The following PRMT3 variants were observed in gnomAD, a reference collection of about 807,000 sequenced individuals.
The protein encoded by PRMT3 is protein arginine N-methyltransferase 3.
A neutral mutation model predicts 71.9 loss-of-function variants in PRMT3; 62 were observed. The observed-to-expected ratio is 0.86, with a 90% CI of 0.70 to 1.07. The LOEUF is 1.07. Among genes scored for constraint, PRMT3 ranks in the 50% least tolerant of loss-of-function variants. The pLI is 0.00. For missense variants in PRMT3, 663 were observed against 643.0 expected (o/e 1.03, Z -0.34); for synonymous variants, 213 against 220.4 (o/e 0.97, Z 0.30).
Position 20,508,673 on chromosome 11 carries a change from A to G in PRMT3, c.*260A>G, listed in dbSNP as rs1851657452. 2 of 573,812 alleles carry G rather than the reference A, an allele frequency of 3.5e-6. No individual in the cohort carries two copies. The highest frequency in any genetic ancestry group is 1.8e-5 in the African/African-American group (1 of 54,368). 35.5% of individuals were successfully genotyped at this position (573,812 alleles called of 1,614,324 possible). A position where few individuals can be genotyped will look rare whatever the true frequency, so the allele number is the denominator to read the frequency against. On this transcript the variant is annotated 3_prime_UTR_variant, in exon 16 of 16. Coordinates refer to ENST00000331079, the MANE Select transcript of PRMT3 (RefSeq NM_005788.4). Reference sequence around the variant, plus strand: ...AGATTTAACCAAATGTAACTCCCACATTGAGTTTATCTATATTGAAAATCA... The same window carrying G: ...AGATTTAACCAAATGTAACTCCCACGTTGAGTTTATCTATATTGAAAATCA...
intron 5 of PRMT3, chr11:20,393,905 A>G (rs1453869053): frequency 2.0e-5 from 3 of 152,200 alleles, no homozygotes; most frequent in African/African-American, 7.2e-5. Flanking sequence ...TATAGTTTGG[A>G]AATATTTTGT....
At chr11:20,414,357 A>G (rs1849255581) in intron 9 of PRMT3, among the ~76,000 whole-genome samples, 1 of 152,208 alleles carries the variant, frequency 6.6e-6, no homozygotes, top group Admixed American at 6.6e-5. Context: ...GGTTGCAGAC[A>G]TGAATAAAAC....
At chr11:20,409,412 T>C (rs1003971495) in intron 9 of PRMT3, among the ~76,000 whole-genome samples, 7 of 152,306 alleles carry the variant, frequency 4.6e-5, no homozygotes, top group Admixed American at 4.6e-4. Flanking sequence ...AATACGTATA[T>C]ATAAATCAGT....
chr11:20,418,872 C>G (rs1281261563), intron 9 of PRMT3, among the ~76,000 whole-genome samples: 1 of 152,000 alleles, frequency 6.6e-6, no homozygotes, highest in Non-Finnish European at 1.5e-5. Flanking sequence ...CCATAAATAA[C>G]AAATGAAATT....
chr11:20,438,346 CT>C (rs1849808735), intron 10 of PRMT3, among the ~76,000 whole-genome samples: 2 of 10,178 alleles, frequency 2.0e-4, no homozygotes, highest in East Asian at 1.5e-3. Context: ...GTATCCCAGA[CT>C]CTGTGAGGCT....
intron 10 of PRMT3, 80 bp from the exon 11 acceptor site, chr11:20,452,050 G>A (rs539112029): frequency 3.3e-5 from 33 of 995,170 alleles, no homozygotes; most frequent in Admixed American, 2.0e-4. Context: ...AATTAAAAGA[G>A]TAGCACCGAT....
intron 13 of PRMT3, among the ~76,000 whole-genome samples, chr11:20,480,570 G>T (rs888265889): frequency 1.3e-5 from 2 of 152,080 alleles, no homozygotes; most frequent in Non-Finnish European, 2.9e-5. Flanking sequence ...GATCAGAAGG[G>T]CCCTTTAGAA....
chr11:20,502,859 A>G (rs760996659), intron 15 of PRMT3, among the ~76,000 whole-genome samples: 1 of 152,150 alleles, frequency 6.6e-6, no homozygotes, highest in Non-Finnish European at 1.5e-5. Context: ...GAAGTAAGGT[A>G]AATGCACCAG....
At chr11:20,425,441 A>G (rs1849525708) in intron 9 of PRMT3, among the ~76,000 whole-genome samples, 1 of 152,236 alleles carries the variant, frequency 6.6e-6, no homozygotes, top group South Asian at 2.1e-4. Flanking sequence ...CTGCTTATAC[A>G]CAGATGTTTA....
chr11:20,480,018 AAC>A, intron 13 of PRMT3, among the ~76,000 whole-genome samples: 1 of 152,292 alleles, frequency 6.6e-6, no homozygotes, highest in Non-Finnish European at 1.5e-5. Context: ...GAATTTCATG[AAC>A]AGTTGATTTA....
At chr11:20,402,867 T>G (rs1377656840) in intron 7 of PRMT3, 52 bp from the exon 8 acceptor site, 1 of 1,423,112 alleles carries the variant, frequency 7.0e-7, no homozygotes, top group Non-Finnish European at 9.8e-7. Context: ...CTTAAAAAAT[T>G]TATTTGTTTA....
intron 8 of PRMT3, among the ~76,000 whole-genome samples, chr11:20,405,023 A>C (rs1849040563): frequency 6.6e-6 from 1 of 152,206 alleles, no homozygotes; most frequent in Non-Finnish European, 1.5e-5. Flanking sequence ...TAGTAATCAT[A>C]AGATTAATCA....
At chr11:20,463,384 C>CT (rs1850432541) in intron 12 of PRMT3, among the ~76,000 whole-genome samples, 1 of 152,118 alleles carries the variant, frequency 6.6e-6, no homozygotes, top group African/African-American at 2.4e-5. Flanking sequence ...TATTTGGGCT[C>CT]TTTGGCTCAG....
At chr11:20,431,187 C>T (rs888204425) in intron 10 of PRMT3, among the ~76,000 whole-genome samples, 9 of 152,018 alleles carry the variant, frequency 5.9e-5, no homozygotes, top group African/African-American at 1.9e-4. Context: ...AACAGAAATT[C>T]GCTGGCCTCA....
intron 10 of PRMT3, among the ~76,000 whole-genome samples, chr11:20,430,935 A>G (rs1849641505): frequency 6.6e-6 from 1 of 152,144 alleles, no homozygotes; most frequent in Non-Finnish European, 1.5e-5. Context: ...TTAGTCTACC[A>G]ATAGAAGTTC....
At chr11:20,450,676 T>C (rs1850128341) in intron 10 of PRMT3, among the ~76,000 whole-genome samples, 1 of 152,152 alleles carries the variant, frequency 6.6e-6, no homozygotes, top group Admixed American at 6.6e-5. Flanking sequence ...AATACCGACG[T>C]AGAGTTGCCG....
intron 13 of PRMT3, among the ~76,000 whole-genome samples, chr11:20,492,846 C>T (rs1263445427): frequency 1.3e-5 from 2 of 152,158 alleles, no homozygotes; most frequent in Non-Finnish European, 2.9e-5. Flanking sequence ...GTCGCAAGGT[C>T]AGGAGTTCGA....
chr11:20,502,899 A>G (rs1281234293), intron 15 of PRMT3, among the ~76,000 whole-genome samples: 1 of 152,130 alleles, frequency 6.6e-6, no homozygotes, highest in Non-Finnish European at 1.5e-5. Context: ...AATAAATAGT[A>G]CTTATCTCCT....
chr11:20,414,577 G>T (rs913333806), intron 9 of PRMT3, among the ~76,000 whole-genome samples: 1 of 152,114 alleles, frequency 6.6e-6, no homozygotes, highest in Non-Finnish European at 1.5e-5. Flanking sequence ...CTCAGGAAGC[G>T]CAGGTAGCGT....
Sources: allele counts gnomAD v4.1 joint callset (sites outside exome capture counted in the v4.1 genomes callset), GRCh38; gene constraint gnomAD v4.1.1; transcripts MANE v1.5; gene names NCBI Gene and HGNC (gene_info 2026-07-23, HGNC 2026-07-21).